The following GATA4 variants were observed in gnomAD, a reference collection of about 807,000 sequenced individuals.
The protein encoded by GATA4 is transcription factor GATA-4.
A neutral mutation model predicts 37.9 loss-of-function variants in GATA4; 7 were observed. That is an observed-to-expected ratio of 0.18 (90% CI 0.11 to 0.35). GATA4 has a LOEUF of 0.35. GATA4 is among the 10% of genes least tolerant of loss of function. GATA4 has a pLI of 1.00. For missense variants in GATA4, 647 were observed against 653.0 expected (o/e 0.99, Z 0.10); for synonymous variants, 372 against 292.6 (o/e 1.27, Z -2.77).
intron 2 of GATA4, among the ~76,000 whole-genome samples, chr8:11,724,188 C>G (rs919506065): frequency 6.6e-6 from 1 of 151,916 alleles, no homozygotes; most frequent in African/African-American, 2.4e-5. Context: ...TGGATCGATA[C>G]TGTATTTTGT....
chr8:11,687,108 G>A (rs1324011124), intron 1 of GATA4, among the ~76,000 whole-genome samples: 1 of 152,194 alleles, frequency 6.6e-6, no homozygotes, highest in Non-Finnish European at 1.5e-5. Flanking sequence ...TGCAGAGGAT[G>A]CCTTCCAAAG....
At chr8:11,720,380 T>G (rs535424824) in intron 2 of GATA4, among the ~76,000 whole-genome samples, 4 of 152,182 alleles carry the variant, frequency 2.6e-5, no homozygotes, top group East Asian at 3.9e-4. Context: ...GTCAGGTAGG[T>G]TTCCACGGCT....
intron 1 of GATA4, among the ~76,000 whole-genome samples, chr8:11,682,691 G>A (rs938580288): frequency 7.9e-5 from 12 of 152,244 alleles, no homozygotes; most frequent in Non-Finnish European, 1.3e-4. Flanking sequence ...GAAGGAAGAT[G>A]TGAAAGTCAG....
chr8:11,688,339 A>T (rs151029830), upstream of GATA4, among the ~76,000 whole-genome samples: 1,150 of 152,358 alleles, frequency 7.5e-3, 14 homozygotes, highest in Middle Eastern at 0.017. Context: ...ACAGAGCTCT[A>T]TATTTGACCT....
chr8:11,680,167 C>G (rs553432931), intron 1 of GATA4, among the ~76,000 whole-genome samples: 1 of 152,218 alleles, frequency 6.6e-6, no homozygotes, highest in South Asian at 2.1e-4. Flanking sequence ...TGACGCCGCT[C>G]CCACCTAGGC....
In GATA4 at chr8:11,750,156, A is replaced by C. The variant is rs761129819; in HGVS notation, c.832A>C (p.Thr278Pro). The change falls in exon 4 of 7, where the codon ACC becomes CCC. Residue 278 changes from threonine to proline, a missense_variant. By Grantham distance (38) the Thr-to-Pro change is conservative. This residue lies in a region of GATA4 where 56 missense variants were observed against 64.5 expected (regional missense o/e 0.87). Transcript: ENST00000532059. The stretch of plus-strand genomic sequence containing the variant: ...CCTCTCCTGTGCCAACTGCCAGACC[A>C]CCACCACCACGCTGTGGCGCCGCAA... ...VGLSCANCQT[T>P]TTTLWRRNAE... is the part of the protein sequence containing the mutation. The C allele has an allele frequency of 1.9e-6, 3 of 1,613,840 alleles. No homozygotes were observed. In the African/African-American group the frequency reaches 4.0e-5, roughly 22 times the overall value.
At chr8:11,736,554 C>T (rs1260244216) in intron 2 of GATA4, among the ~76,000 whole-genome samples, 1 of 152,224 alleles carries the variant, frequency 6.6e-6, no homozygotes, top group Non-Finnish European at 1.5e-5. Flanking sequence ...CTCTGCAGCC[C>T]AGGGCGCCCT....
intron 1 of GATA4, among the ~76,000 whole-genome samples, chr8:11,706,288 A>T (rs1249711320): frequency 6.6e-6 from 1 of 152,232 alleles, no homozygotes; most frequent in Admixed American, 6.5e-5. Flanking sequence ...AGTGTGTATT[A>T]AAGATTCCAT....
intron 2 of GATA4, among the ~76,000 whole-genome samples, chr8:11,730,071 A>G (rs1311149108): frequency 6.6e-6 from 1 of 152,112 alleles, no homozygotes; most frequent in Non-Finnish European, 1.5e-5. Flanking sequence ...AATTACTACC[A>G]TGCCCAGCTA....
rs1799525196 is a variant in GATA4 at position 11,696,918 on chromosome 8, C to A, written c.-728-3590C>A. Among the ~76,000 whole-genome samples the A allele has an allele frequency of 1.3e-5, 2 of 152,332 alleles. 1 individual carries two copies. Among genetic ancestry groups the A allele is most frequent in the South Asian group, 4.1e-4 (2 of 4,822 alleles). On this transcript the variant is annotated intron_variant, in intron 1 of 2. Coordinates refer to the GATA4 transcript ENST00000526974. ...CCCATCTGCTCAGGGAGAGTGTGGG[C>A]CCCTGGAACTGGGCATCTGCAGAGA...
intron 2 of GATA4, among the ~76,000 whole-genome samples, chr8:11,711,103 A>C (rs1257405326): frequency 1.3e-5 from 2 of 152,186 alleles, no homozygotes; most frequent in Non-Finnish European, 2.9e-5. Context: ...AGTATGTCTC[A>C]AAACAAACAA....
At chr8:11,681,282 G>T (rs1377069017) in intron 1 of GATA4, 7 of 985,274 alleles carry the variant, frequency 7.1e-6, no homozygotes, top group Non-Finnish European at 8.4e-6. Flanking sequence ...GCCTCCGCAC[G>T]CTGAGGTTCC....
rs145941065 is a variant in GATA4 at position 11,682,925 on chromosome 8, T to C, written c.-274+5862T>C. The C allele has an allele frequency of 1.6e-3, 483 of 301,332 alleles. 3 individuals are homozygous for C. Among genetic ancestry groups the C allele is most frequent in the African/African-American group, 0.01 (452 of 44,112 alleles). 18.7% of individuals were successfully genotyped at this position (301,332 alleles called of 1,614,324 possible). On this transcript the variant is annotated intron_variant, in intron 1 of 6. Transcript: ENST00000528712. The stretch of plus-strand genomic sequence containing the variant: ...GAGAATTCGGTAGGTAGTAGCTAGT[T>C]TCCACACCGGGGACCTGCTTTGTTA...
At chr8:11,711,736 A>G (rs1293801076) in intron 2 of GATA4, among the ~76,000 whole-genome samples, 2 of 113,148 alleles carry the variant, frequency 1.8e-5, no homozygotes, top group Non-Finnish European at 3.4e-5. Context: ...TGACAGAGTG[A>G]GACCCTCTCT....
At chr8:11,712,037 A>T (rs1800207266) in intron 2 of GATA4, among the ~76,000 whole-genome samples, 1 of 152,126 alleles carries the variant, frequency 6.6e-6, no homozygotes, top group African/African-American at 2.4e-5. Context: ...CAAGTTACTT[A>T]CCTCTCTCGG....
intron 4 of GATA4, 112 bp downstream of exon 4, chr8:11,750,348 A>C (rs1199247042): frequency 8.2e-6 from 12 of 1,468,512 alleles, no homozygotes; most frequent in Non-Finnish European, 1.0e-5. Context: ...TAACAAAGAG[A>C]CTTAGATTTG....
At chr8:11,689,164 G>A (rs1799235294), upstream of GATA4, among the ~76,000 whole-genome samples, 1 of 152,148 alleles carries the variant, frequency 6.6e-6, no homozygotes, top group South Asian at 2.1e-4. Context: ...CCCTCCCCAG[G>A]GATGGGGCCT....
At chr8:11,713,696 C>T (rs893025817) in intron 2 of GATA4, among the ~76,000 whole-genome samples, 3 of 151,646 alleles carry the variant, frequency 2.0e-5, no homozygotes, top group Admixed American at 1.3e-4. Flanking sequence ...TGAAGGTGAG[C>T]AGATATTAGA....
At chr8:11,688,731 G>A (rs1421583453), upstream of GATA4, among the ~76,000 whole-genome samples, 2 of 152,210 alleles carry the variant, frequency 1.3e-5, no homozygotes, top group South Asian at 2.1e-4. Context: ...TCTCCCCAGT[G>A]ACATATCTTT....
Sources: gnomAD v4.1 joint callset for allele counts (sites outside exome capture counted in the v4.1 genomes callset) on GRCh38, gnomAD v4.1.1 for gene constraint, gnomAD v4.1.1 regional missense constraint, MANE v1.5 for transcripts, NCBI Gene and HGNC (gene_info 2026-07-23, HGNC 2026-07-21) for gene names.